Variants in MIER2 observed in about 807,000 individuals in gnomAD.
MIER2 encodes MIER family member 2, also known as mesoderm induction early response protein 2.
MIER2 carries 30 observed loss-of-function variants against 67.6 expected under a neutral mutation model. The ratio of observed to expected loss-of-function variants is 0.44; its 90% CI spans 0.33 to 0.60. The LOEUF (loss-of-function observed/expected upper bound fraction) is 0.60. MIER2 is among the 20% of genes least tolerant of loss of function. The pLI is 0.02. For missense variants in MIER2, 702 were observed against 745.1 expected (o/e 0.94, Z 0.67); for synonymous variants, 372 against 312.6 (o/e 1.19, Z -2.00).
chr19:311,212 G>A (rs140281396), intron 10 of MIER2, among the ~76,000 whole-genome samples: 24 of 152,350 alleles, frequency 1.6e-4, no homozygotes, highest in South Asian at 6.2e-4. Context: ...GGACAGAGGC[G>A]GAGAAGCCAC....
intron 1 of MIER2, among the ~76,000 whole-genome samples, chr19:336,706 T>C (rs180813604): frequency 2.3e-4 from 35 of 152,302 alleles, no homozygotes; most frequent in African/African-American, 8.2e-4. Flanking sequence ...GAGGTGATGG[T>C]TGCATGGTCG....
At chr19:322,838 C>T (rs1206132175) in intron 7 of MIER2, among the ~76,000 whole-genome samples, 1 of 152,200 alleles carries the variant, frequency 6.6e-6, no homozygotes, top group Non-Finnish European at 1.5e-5. Flanking sequence ...TCACAGCCCA[C>T]AGCTGAACCA....
chr19:341,407 G>C (rs1972494453), intron 1 of MIER2, among the ~76,000 whole-genome samples: 1 of 152,156 alleles, frequency 6.6e-6, no homozygotes, highest in Admixed American at 6.5e-5. Context: ...CATTTAACAG[G>C]AGAGCTAAGG....
chr19:315,691 C>T (rs1971207685), intron 7 of MIER2, among the ~76,000 whole-genome samples: 1 of 152,170 alleles, frequency 6.6e-6, no homozygotes, highest in African/African-American at 2.4e-5. Context: ...GGAAAGAACA[C>T]CGTTTAGGGT....
At chr19:314,522 C>A (rs576305316) in intron 7 of MIER2, among the ~76,000 whole-genome samples, 5 of 152,174 alleles carry the variant, frequency 3.3e-5, no homozygotes, top group Admixed American at 2.0e-4. Flanking sequence ...GAAAAACGCA[C>A]TGGGGAAAAC....
chr19:323,922 C>T (rs552320187), intron 7 of MIER2, among the ~76,000 whole-genome samples: 23 of 151,304 alleles, frequency 1.5e-4, no homozygotes, highest in African/African-American at 5.1e-4. Flanking sequence ...AGGACATAGG[C>T]GTCATCACAA....
chr19:321,281 C>T lies in MIER2; in HGVS notation c.655+4354G>A, dbSNP rs182683467. ...GGACTGAGTGCATGAGATACATACA[C>T]ACAAGAGAGAACACTTCATGGCCAG... On this transcript the variant is annotated intron_variant, in intron 7 of 13. Coordinates refer to ENST00000264819, the MANE Select transcript of MIER2 (RefSeq NM_017550.3). 1.4e-3 allele frequency among the ~76,000 whole-genome samples: 219 copies of T among 152,336 alleles called. 1 individual carries two copies. Among genetic ancestry groups the T allele is most frequent in the Non-Finnish European group, 2.0e-3 (139 of 68,036 alleles).
At chr19:320,390 T>C (rs994313188) in intron 7 of MIER2, among the ~76,000 whole-genome samples, 1 of 150,384 alleles carries the variant, frequency 6.6e-6, no homozygotes. Context: ...AAAAACTAAA[T>C]AGATAGATAG....
intron 7 of MIER2, among the ~76,000 whole-genome samples, chr19:317,163 C>T (rs906986044): frequency 4.6e-5 from 7 of 151,404 alleles, no homozygotes; most frequent in East Asian, 3.9e-4. Context: ...GGGAGGCCGA[C>T]GTGGGCGGAT....
intron 12 of MIER2, among the ~76,000 whole-genome samples, chr19:307,878 G>A (rs188527125): frequency 3.9e-4 from 59 of 150,820 alleles, no homozygotes; most frequent in Non-Finnish European, 7.2e-4. Context: ...AAACAATGCC[G>A]GGGGCGCTGC....
intron 7 of MIER2, among the ~76,000 whole-genome samples, chr19:318,478 T>C (rs551321304): frequency 1.3e-4 from 20 of 151,898 alleles, no homozygotes; most frequent in South Asian, 1.2e-3. Context: ...AAAGGGGAAA[T>C]AGACAATCCA....
At chr19:341,603 C>A (rs1298260339) in intron 1 of MIER2, among the ~76,000 whole-genome samples, 2 of 152,130 alleles carry the variant, frequency 1.3e-5, no homozygotes, top group African/African-American at 2.4e-5. Context: ...AGGTGCAAGT[C>A]TACTCTCAAA....
chr19:311,255 G>C (rs1970986859), intron 10 of MIER2, among the ~76,000 whole-genome samples: 1 of 152,256 alleles, frequency 6.6e-6, no homozygotes, highest in Non-Finnish European at 1.5e-5. Flanking sequence ...TTCAGCCAGA[G>C]ATGTCTGACT....
At chr19:337,082 G>T (rs1972291473) in intron 1 of MIER2, among the ~76,000 whole-genome samples, 1 of 152,082 alleles carries the variant, frequency 6.6e-6, no homozygotes, top group South Asian at 2.1e-4. Flanking sequence ...GACCTCAAGT[G>T]ATCCGCCCGC....
intron 7 of MIER2, among the ~76,000 whole-genome samples, chr19:324,602 C>T (rs1281589644): frequency 1.8e-5 from 2 of 113,744 alleles, no homozygotes; most frequent in South Asian, 2.3e-4. Flanking sequence ...ATACACAAGA[C>T]ACACACAACC....
chr19:323,544 A>G (rs1971593812), intron 7 of MIER2, among the ~76,000 whole-genome samples: 2 of 152,052 alleles, frequency 1.3e-5, no homozygotes, highest in Non-Finnish European at 2.9e-5. Context: ...TCACAATGCA[A>G]TACACACACA....
intron 7 of MIER2, among the ~76,000 whole-genome samples, chr19:317,703 C>CT (rs1212614051): frequency 2.1e-5 from 3 of 142,700 alleles, no homozygotes; most frequent in Non-Finnish European, 4.5e-5. Context: ...GCACTCCAGC[C>CT]TGGGCAATGA....
chr19:322,866 T>C (rs1405102708), intron 7 of MIER2, among the ~76,000 whole-genome samples: 3 of 152,102 alleles, frequency 2.0e-5, no homozygotes, highest in East Asian at 1.9e-4. Context: ...CCGCAGCCCA[T>C]GGCAGAAAGG....
Position 306,762 on chromosome 19 carries a change from G to A in MIER2, c.1617-51C>T, listed in dbSNP as rs371479412. On this transcript the variant is annotated intron_variant, in intron 13 of 13. Coordinates refer to ENST00000264819, the MANE Select transcript of MIER2 (RefSeq NM_017550.3). Reference sequence around the variant, plus strand: ...GCAGAGAGTGTCAGTGCGGCCCCACGTGCCTGCACAGCCCAGTGCTGAGCG... The same window carrying A: ...GCAGAGAGTGTCAGTGCGGCCCCACATGCCTGCACAGCCCAGTGCTGAGCG... The A allele has an allele frequency of 3.3e-4, 517 of 1,551,992 alleles. 2 individuals carry two copies. The highest frequency in any genetic ancestry group is 2.2e-3 in the South Asian group (183 of 84,086).
Sources: gnomAD v4.1 joint callset for allele counts (sites outside exome capture counted in the v4.1 genomes callset) on GRCh38, gnomAD v4.1.1 for gene constraint, MANE v1.5 for transcripts, NCBI Gene and HGNC (gene_info 2026-07-23, HGNC 2026-07-21) for gene names.